PREPL: variants seen among roughly 807,000 people sequenced by gnomAD.
PREPL encodes the protein prolyl endopeptidase-like.
PREPL carries 77 observed loss-of-function variants against 70.6 expected under a neutral mutation model. The observed-to-expected ratio is 1.09, with a 90% confidence interval of 0.91 to 1.32. The LOEUF is 1.32. Among genes scored for constraint, PREPL ranks in the 40% most tolerant of loss-of-function variants. The pLI, the probability that PREPL is intolerant of heterozygous loss-of-function variation, is 0.00. For synonymous variants in PREPL, 315 were observed against 264.8 expected (o/e 1.19, Z -1.84); for missense variants, 1,002 against 778.2 (o/e 1.29, Z -3.42).
At chr2:44,322,215 C>G (rs1313506907) in intron 12 of PREPL, among the ~76,000 whole-genome samples, 1 of 152,022 alleles carries the variant, frequency 6.6e-6, no homozygotes, top group Non-Finnish European at 1.5e-5. Flanking sequence ...CCAACTACAG[C>G]AATGGATGGG....
chr2:44,332,430 G>A, intron 8 of PREPL, 29 bp downstream of exon 8: 2 of 1,560,366 alleles, frequency 1.3e-6, no homozygotes, highest in Non-Finnish European at 1.8e-6. Context: ...CAGTAAATGG[G>A]AGCTGAAAGT....
intron 10 of PREPL, 55 bp downstream of exon 10, chr2:44,326,657 C>T: frequency 6.5e-7 from 1 of 1,548,844 alleles, no homozygotes; most frequent in Non-Finnish European, 8.9e-7. Flanking sequence ...CTTAGAGTAG[C>T]CTATGGCTTC....
intron 10 of PREPL, among the ~76,000 whole-genome samples, chr2:44,325,988 C>A (rs1465747969): frequency 6.6e-6 from 1 of 152,128 alleles, no homozygotes; most frequent in Non-Finnish European, 1.5e-5. Flanking sequence ...TAAGAATGGA[C>A]TATCTAAAAA....
Position 44,343,790 on chromosome 2 carries a change from C to T in PREPL, c.304G>A (p.Asp102Asn), listed in dbSNP as rs761397318. ...ASTCVIIKLSDQPVMEASFPN... is the reference protein window; with the variant it reads ...ASTCVIIKLSNQPVMEASFPN... The stretch of plus-strand genomic sequence containing the variant: ...AAAGAAGCTTCCATTACGGGCTGAT[C>T]GCTGAGCTTTATAATTACACAGGTA... Residue 102 changes from aspartate (D) to asparagine (N), a missense_variant, in exon 4 of 14, where the codon GAT becomes AAT. Coordinates refer to ENST00000409411, the MANE Select transcript of PREPL (RefSeq NM_001171613.2). 9.3e-6 allele frequency: 15 copies of T among 1,613,882 alleles called. No individual in the cohort carries two copies. The highest frequency in any genetic ancestry group is 1.6e-4 in the Middle Eastern group (1 of 6,084).
At chr2:44,323,645 T>C (rs1673203475) in intron 10 of PREPL, among the ~76,000 whole-genome samples, 2 of 152,198 alleles carry the variant, frequency 1.3e-5, no homozygotes, top group African/African-American at 4.8e-5. Context: ...TATCTTCTAA[T>C]TTCACAATAT....
chr2:44,336,861 C>G (rs1674694309), intron 7 of PREPL, among the ~76,000 whole-genome samples: 1 of 152,184 alleles, frequency 6.6e-6, no homozygotes, highest in South Asian at 2.1e-4. Flanking sequence ...TACATTTGAT[C>G]TTTTGATTTT....
At chr2:44,352,909 T>C (rs965531817) in intron 1 of PREPL, among the ~76,000 whole-genome samples, 4 of 152,020 alleles carry the variant, frequency 2.6e-5, no homozygotes, top group Non-Finnish European at 4.4e-5. Flanking sequence ...AAGACAAGAA[T>C]AGGCATTCAA....
intron 3 of PREPL, among the ~76,000 whole-genome samples, 192 bp downstream of exon 3, chr2:44,344,328 T>C (rs1675547241): frequency 6.6e-6 from 1 of 152,132 alleles, no homozygotes; most frequent in South Asian, 2.1e-4. Context: ...GCCGTCTCCA[T>C]TCTCCCTGCC....
intron 7 of PREPL, among the ~76,000 whole-genome samples, chr2:44,336,306 T>C (rs1256152751): frequency 6.6e-6 from 1 of 152,136 alleles, no homozygotes; most frequent in Non-Finnish European, 1.5e-5. Flanking sequence ...CCATCAATGA[T>C]AGACTGGATA....
chr2:44,338,602 C>T, intron 6 of PREPL, 66 bp from the exon 7 acceptor site: 3 of 1,314,242 alleles, frequency 2.3e-6, no homozygotes, highest in Non-Finnish European at 3.1e-6. Flanking sequence ...TCCAGAGATG[C>T]AATCACTGAG....
At position 44,319,427 on chromosome 2, in the gene PREPL, A is replaced by G. The variant is rs536045486; in HGVS notation, c.*1929T>C. 4 of 152,650 alleles carry G rather than the reference A, an allele frequency of 2.6e-5. No individual in the cohort carries two copies. Among genetic ancestry groups the G allele is most frequent in the African/African-American group, 4.8e-5 (2 of 41,586 alleles). The allele number at this position is 152,650 out of a possible 1,614,324, so 9.5% of individuals were successfully genotyped here. A position where few individuals can be genotyped will look rare whatever the true frequency, so the allele number is the denominator to read the frequency against. On this transcript the variant is annotated 3_prime_UTR_variant, in exon 14 of 14. Coordinates refer to ENST00000409411, the MANE Select transcript of PREPL (RefSeq NM_001171613.2). ...AAAAATACAAAATATTAGAAACACT[A>G]TCGTCAAAATGAAAGGGCATGGCTG... is the stretch of plus-strand genomic sequence containing the variant.
intron 9 of PREPL, among the ~76,000 whole-genome samples, chr2:44,327,500 A>G (rs1038690827): frequency 3.3e-5 from 5 of 152,206 alleles, no homozygotes; most frequent in African/African-American, 4.8e-5. Context: ...AAGAAAAGGC[A>G]TTAAGACACA....
chr2:44,332,743 G>T, intron 7 of PREPL, 87 bp from the exon 8 acceptor site: 2 of 1,059,948 alleles, frequency 1.9e-6, no homozygotes, highest in Non-Finnish European at 2.7e-6. Context: ...CAAACAAGAT[G>T]ATGTGGATAT....
intron 4 of PREPL, 50 bp downstream of exon 4, chr2:44,343,695 G>C: frequency 2.0e-6 from 3 of 1,524,966 alleles, no homozygotes; most frequent in Non-Finnish European, 2.7e-6. Flanking sequence ...TGTTTCAAAA[G>C]TGTTACCGTT....
At chr2:44,344,444 G>C in intron 3 of PREPL, 76 bp downstream of exon 3, 1 of 1,095,470 alleles carries the variant, frequency 9.1e-7, no homozygotes, top group Non-Finnish European at 1.3e-6. Flanking sequence ...CTCTATCTTT[G>C]AGAAATTAAT....
chr2:44,332,348 A>C, intron 8 of PREPL, 111 bp downstream of exon 8: 2 of 956,106 alleles, frequency 2.1e-6, no homozygotes, highest in Non-Finnish European at 3.1e-6. Context: ...CTGTGGTCTA[A>C]GAAATCTACA....
intron 10 of PREPL, among the ~76,000 whole-genome samples, chr2:44,325,120 C>T (rs1291948646): frequency 6.6e-6 from 1 of 152,146 alleles, no homozygotes; most frequent in East Asian, 1.9e-4. Context: ...CTAGAGCCTG[C>T]CTCTCACTGT....
rs757188531 is a variant in PREPL, at chr2:44,326,858, CA to C, written c.1332del (p.Asp445IlefsTer2). 6.2e-7 allele frequency: 1 copy of C among 1,614,158 alleles called. No individual in the cohort carries two copies. The highest frequency in any genetic ancestry group is 1.1e-5 in the South Asian group (1 of 91,080). The part of the protein sequence containing the change: ...GRLTKKLNGL[A>X]DLEACIKTLH... The stretch of plus-strand genomic sequence containing the variant: ...AGCGTCTTAATGCAAGCCTCTAAAT[CA>C]GCAAGGCCATTGAGTTTTTTAGTTA... On this transcript the variant is annotated frameshift_variant, in exon 10 of 14. Coordinates refer to ENST00000409411, the MANE Select transcript of PREPL (RefSeq NM_001171613.2). LOFTEE classifies it high-confidence loss of function.
At chr2:44,337,969 T>G (rs1400616673) in intron 7 of PREPL, among the ~76,000 whole-genome samples, 1 of 152,162 alleles carries the variant, frequency 6.6e-6, no homozygotes, top group Non-Finnish European at 1.5e-5. Context: ...ACTGTCCCTG[T>G]TGGGGATGTG....
Sources: gnomAD v4.1 joint callset for allele counts (sites outside exome capture counted in the v4.1 genomes callset) on GRCh38, gnomAD v4.1.1 for gene constraint, MANE v1.5 for transcripts, NCBI Gene and HGNC (gene_info 2026-07-23, HGNC 2026-07-21) for gene names.